Variants in MRPL47 observed in about 807,000 individuals in gnomAD.
MRPL47 encodes mitochondrial ribosomal protein L47, also known as large ribosomal subunit protein uL29m.
In MRPL47, 31 loss-of-function variants were observed where a neutral mutation model predicts 34.0. The ratio of observed to expected loss-of-function variants is 0.91; its 90% CI spans 0.68 to 1.23. MRPL47 has a LOEUF of 1.23. MRPL47 is among the 50% of genes most tolerant of loss of function. The pLI, the probability that MRPL47 is intolerant of heterozygous loss-of-function variation, is 0.00. For missense variants in MRPL47, 328 were observed against 285.8 expected (o/e 1.15, Z -1.07); for synonymous variants, 106 against 101.6 (o/e 1.04, Z -0.26).
intron 3 of MRPL47, among the ~76,000 whole-genome samples, chr3:179,599,624 G>A (rs906368658): frequency 3.9e-5 from 6 of 152,196 alleles, no homozygotes; most frequent in Non-Finnish European, 5.9e-5. Context: ...AAACTGTAAT[G>A]TGATGTGGGA....
chr3:179,593,816 T>A lies in MRPL47; in HGVS notation c.482A>T (p.Glu161Val). 1 of 1,613,816 alleles carries A rather than the reference T, an allele frequency of 6.2e-7. No individual in the cohort carries two copies. Among genetic ancestry groups the A allele is most frequent in the Non-Finnish European group, 8.5e-7 (1 of 1,179,764 alleles). Residue 161 changes from glutamate (E) to valine (V), a missense_variant, in exon 5 of 7, where the codon GAA (glutamate) becomes GTA (valine). By Grantham distance (121) the Glu-to-Val change is moderately radical. Transcript: ENST00000476781. ...TCTCCAAGCACCAGGTCTAGCTCTT[T>A]CTTGACCAGTCTGAAGAAGCCTTAG... ...DALRLLQTGQ[E>V]RARPGAWRRD... is the part of the protein sequence containing the mutation.
chr3:179,598,393 C>CACTG (rs1718839378), intron 4 of MRPL47, among the ~76,000 whole-genome samples: 1 of 125,362 alleles, frequency 8.0e-6, no homozygotes, highest in Non-Finnish European at 1.6e-5. Context: ...CCACCTGACA[C>CACTG]ACTGACACAC....
intron 5 of MRPL47, 28 bp from the exon 6 acceptor site, chr3:179,592,767 C>G: frequency 6.9e-7 from 1 of 1,442,876 alleles, no homozygotes; most frequent in Non-Finnish European, 9.7e-7. Context: ...AGTTATTTGC[C>G]TTAAAGAAAA....
chr3:179,602,688 C>G lies in MRPL47; in HGVS notation c.208G>C (p.Asp70His). ...SRKGLEEFFD[D>H]PKNWGQEKVK... ...TTTTCTTGCCCCCAGTTTTTTGGGT[C>G]ATCAAAAAATTCTTCTAGTCCTTTC... is the stretch of plus-strand genomic sequence containing the variant. Residue 70 changes from aspartate (D) to histidine (H), a missense_variant, in exon 2 of 7, where the codon GAC becomes CAC. Asp to His is a moderately conservative substitution (Grantham distance 81). Transcript: ENST00000476781. 1 of 1,609,226 alleles carries G rather than the reference C, an allele frequency of 6.2e-7. No homozygotes were observed. Among genetic ancestry groups the G allele is most frequent in the Non-Finnish European group, 8.5e-7 (1 of 1,178,224 alleles).
intron 5 of MRPL47, 76 bp downstream of exon 5, chr3:179,593,689 T>A (rs1396932323): frequency 1.8e-5 from 25 of 1,393,146 alleles, no homozygotes; most frequent in Middle Eastern, 1.9e-4. Context: ...AATTTTTTTT[T>A]AAAAGATATT....
intron 6 of MRPL47, among the ~76,000 whole-genome samples, chr3:179,592,357 T>G (rs1718693290): frequency 6.6e-6 from 1 of 151,724 alleles, no homozygotes; most frequent in Non-Finnish European, 1.5e-5. Flanking sequence ...ACCATGTCCG[T>G]CTAATTTTTT....
At chr3:179,601,434 TTC>T (rs1288247058) in intron 3 of MRPL47, among the ~76,000 whole-genome samples, 3 of 152,206 alleles carry the variant, frequency 2.0e-5, no homozygotes, top group Non-Finnish European at 2.9e-5. Context: ...CCACCAACTA[TTC>T]TCTGTTTCAT....
chr3:179,593,656 C>T, intron 5 of MRPL47, 109 bp downstream of exon 5: 1 of 982,256 alleles, frequency 1.0e-6, no homozygotes, highest in Non-Finnish European at 1.5e-6. Flanking sequence ...AGACATATCT[C>T]TAATATTATC....
At chr3:179,604,453 C>A in intron 1 of MRPL47, 74 bp downstream of exon 1, 1 of 1,401,366 alleles carries the variant, frequency 7.1e-7, no homozygotes, top group Non-Finnish European at 1.0e-6. Context: ...TTGTTCTCGG[C>A]ATCTCGGCAT....
rs1398878856 is a variant in MRPL47, at chr3:179,592,633, C to T, written c.629+11G>A. ...AAGATAATATGTTTTATTAAAGGTG[C>T]TTGTGCTCACCTGAGAAAATGGTCC... On this transcript the variant is annotated intron_variant, in intron 6 of 6. Transcript: ENST00000476781. 4 of 1,539,090 alleles carry T rather than the reference C, an allele frequency of 2.6e-6. No individual in the cohort carries two copies. In the African/African-American group the frequency reaches 4.1e-5, roughly 16 times the overall value.
chr3:179,597,231 A>C (rs1479417956), intron 4 of MRPL47, among the ~76,000 whole-genome samples: 1 of 152,228 alleles, frequency 6.6e-6, no homozygotes, highest in Non-Finnish European at 1.5e-5. Flanking sequence ...CTTTCACTAC[A>C]TCAGAATAAC....
chr3:179,592,191 TTTTG>T (rs956091966), intron 6 of MRPL47, among the ~76,000 whole-genome samples: 29 of 151,370 alleles, frequency 1.9e-4, no homozygotes, highest in East Asian at 3.9e-4. Flanking sequence ...TTTTTACCTA[TTTTG>T]TTTGTTTGTT....
intron 3 of MRPL47, among the ~76,000 whole-genome samples, chr3:179,599,258 C>T (rs1211476019): frequency 6.6e-6 from 1 of 151,626 alleles, no homozygotes; most frequent in Non-Finnish European, 1.5e-5. Context: ...TTTGCTTATC[C>T]ATGTGTTCAA....
chr3:179,590,696 TAA>T (rs1157157426), intron 6 of MRPL47, among the ~76,000 whole-genome samples: 32 of 128,964 alleles, frequency 2.5e-4, no homozygotes, highest in Middle Eastern at 3.9e-3. Context: ...CTGATGTGAT[TAA>T]AAAAAAAAAA....
intron 3 of MRPL47, among the ~76,000 whole-genome samples, chr3:179,599,598 C>G (rs1718879649): frequency 6.6e-6 from 1 of 152,122 alleles, no homozygotes; most frequent in Non-Finnish European, 1.5e-5. Flanking sequence ...ATTTTAACTC[C>G]ACCACGCTGC....
intron 4 of MRPL47, among the ~76,000 whole-genome samples, chr3:179,596,263 A>G (rs1156739080): frequency 4.6e-5 from 7 of 152,242 alleles, no homozygotes; most frequent in African/African-American, 1.7e-4. Context: ...TTATATCCCA[A>G]TTATAATTCT....
intron 4 of MRPL47, among the ~76,000 whole-genome samples, chr3:179,597,448 C>T (rs1433157302): frequency 2.6e-5 from 4 of 152,022 alleles, no homozygotes; most frequent in Non-Finnish European, 4.4e-5. Context: ...ACTTACTATG[C>T]CACAGAAAAA....
chr3:179,604,393 A>G (rs918098585), intron 1 of MRPL47, 134 bp downstream of exon 1: 2 of 769,780 alleles, frequency 2.6e-6, no homozygotes, highest in Non-Finnish European at 4.2e-6. Context: ...CTCACTCCTC[A>G]CCAAAGTGGG....
intron 6 of MRPL47, among the ~76,000 whole-genome samples, chr3:179,591,430 A>G (rs1388976693): frequency 6.6e-6 from 1 of 152,208 alleles, no homozygotes; most frequent in Non-Finnish European, 1.5e-5. Context: ...ATATGGCCCA[A>G]GTGTTTTAAA....
Sources: allele counts gnomAD v4.1 joint callset (sites outside exome capture counted in the v4.1 genomes callset), GRCh38; gene constraint gnomAD v4.1.1; transcripts MANE v1.5; gene names NCBI Gene and HGNC (gene_info 2026-07-23, HGNC 2026-07-21).